Variants in MPG observed in about 807,000 individuals in gnomAD.
MPG encodes the protein N-methylpurine DNA glycosylase.
A neutral mutation model predicts 31.7 loss-of-function variants in MPG; 33 were observed. That is an observed-to-expected ratio of 1.04 (90% CI 0.79 to 1.39). The LOEUF (loss-of-function observed/expected upper bound fraction) is 1.39, where lower values mean the gene tolerates loss of function less well. Among genes scored for constraint, MPG ranks in the 40% most tolerant of loss-of-function variants. The probability of loss-of-function intolerance (pLI) is 0.00; values close to 1 mark genes in which losing one functional copy is unlikely to be tolerated. For synonymous variants in MPG, 202 were observed against 169.2 expected, an observed-to-expected ratio of 1.19 and a Z score of -1.51; for missense variants, 455 against 415.5, an observed-to-expected ratio of 1.10 and a Z score of -0.83.
rs768695013 is a variant in MPG, at chr16:83,099, C to T, written c.348C>T (p.Ile116=). Residue 116 remains isoleucine, a synonymous_variant, in exon 3 of 4, where the codon ATC becomes ATT. Transcript: ENST00000356432. ...LPNGTELRGR[I]VETEAYLGPE... is the part of the protein sequence containing the mutation. ...ATGGCACAGAACTCCGAGGCCGCAT[C>T]GTGGAGACCGAGGCATACCTGGGGC... The T allele has an allele frequency of 6.2e-6, 10 of 1,612,062 alleles. No homozygotes were observed. Among genetic ancestry groups the T allele is most frequent in the Middle Eastern group, 1.6e-4 (1 of 6,072 alleles).
rs1898402339 is a variant in MPG at position 85,384 on chromosome 16, A to G, written c.506-17A>G. On this transcript the variant is annotated splice_polypyrimidine_tract_variant and intron_variant, in intron 3 of 3. Coordinates refer to ENST00000356432, the MANE Select transcript of MPG (RefSeq NM_001015052.3). Reference sequence around the variant, plus strand: ...GGAGCCTAGGGAGGCTCCACTTCCAAACTGTCCGTCCCACAGGGGACGGGG... The same window carrying G: ...GGAGCCTAGGGAGGCTCCACTTCCAGACTGTCCGTCCCACAGGGGACGGGG... The G allele has an allele frequency of 2.5e-6, 4 of 1,585,408 alleles. No homozygotes were observed. Among genetic ancestry groups the G allele is most frequent in the Non-Finnish European group, 3.4e-6 (4 of 1,165,308 alleles).
At position 81,660 on chromosome 16, in the gene MPG, G is replaced by A. The variant is rs369272045; in HGVS notation, c.301-1392G>A. On this transcript the variant is annotated intron_variant, in intron 2 of 3. Transcript: ENST00000356432. Reference sequence around the variant, plus strand: ...CCCTTCTTCCCACCACCCTATCTCCGGGAAGGCCTCCTGAATGCTCCCCAC... The same window carrying A: ...CCCTTCTTCCCACCACCCTATCTCCAGGAAGGCCTCCTGAATGCTCCCCAC... Among the ~76,000 whole-genome samples, 283 of 106,700 alleles carry A rather than the reference G, an allele frequency of 2.7e-3. 2 individuals carry two copies. Among genetic ancestry groups the A allele is most frequent in the Middle Eastern group, 5.4e-3 (1 of 184 alleles). The allele number at this position is 106,700 out of a possible 152,430, so 70.0% of individuals were successfully genotyped here.
chr16:80,736 G>A (rs1898216817), intron 2 of MPG, among the ~76,000 whole-genome samples: 2 of 152,248 alleles, frequency 1.3e-5, no homozygotes, highest in Non-Finnish European at 1.5e-5. Context: ...TTGAACCCGG[G>A]AGGCAGAGGT....
At chr16:82,019 G>A (rs1416497749) in intron 2 of MPG, among the ~76,000 whole-genome samples, 43 of 114,026 alleles carry the variant, frequency 3.8e-4, no homozygotes, top group Middle Eastern at 5.3e-3. Context: ...CCTCCTGAAT[G>A]CTCCCCACGC....
chr16:85,816 A>C lies in MPG; in HGVS notation c.*39A>C, dbSNP rs1333006296. ...CCAGACAAGATTTTTTAATTGTTTA[A>C]AAACCGAATAAATGTTTTATTTCTA... is the stretch of plus-strand genomic sequence containing the variant. On this transcript the variant is annotated 3_prime_UTR_variant, in exon 4 of 4. Transcript: ENST00000356432. 2 of 1,450,496 alleles carry C rather than the reference A, an allele frequency of 1.4e-6. No homozygotes were observed. The highest frequency in any genetic ancestry group is 2.6e-5 in the Admixed American group (1 of 39,060). 89.9% of individuals were successfully genotyped at this position (1,450,496 alleles called of 1,614,324 possible). A position where few individuals can be genotyped will look rare whatever the true frequency, so the allele number is the denominator to read the frequency against.
chr16:79,712 A>G lies in MPG; in HGVS notation c.300+12A>G. 6.5e-7 allele frequency: 1 copy of G among 1,546,244 alleles called. No individual in the cohort carries two copies. The highest frequency in any genetic ancestry group is 8.8e-7 in the Non-Finnish European group (1 of 1,142,276). ...CATTTCTGGGACAGGTAATGTGAAC[A>G]TAGCAGCGAGGGCCCTCCTGAAGTG... On this transcript the variant is annotated intron_variant, in intron 2 of 3. Transcript: ENST00000356432.
intron 1 of MPG, among the ~76,000 whole-genome samples, chr16:78,567 G>A (rs995053567): frequency 6.6e-6 from 1 of 152,216 alleles, no homozygotes; most frequent in Admixed American, 6.5e-5. Context: ...CTGCGGAGAC[G>A]GTCACGTCAG....
At chr16:83,346 C>T in intron 3 of MPG, 90 bp downstream of exon 3, 2 of 1,336,222 alleles carry the variant, frequency 1.5e-6, no homozygotes, top group Non-Finnish European at 2.1e-6. Flanking sequence ...TGAGGTGGGG[C>T]CAGCATTTGA....
chr16:85,471 C>A lies in MPG; in HGVS notation c.576C>A (p.Arg192=). 6.2e-7 allele frequency: 1 copy of A among 1,613,122 alleles called. No individual in the cohort carries two copies. The highest frequency in any genetic ancestry group is 8.5e-7 in the Non-Finnish European group (1 of 1,180,020). ...LEGLETMRQL[R]STLRKGTASR... is the part of the protein sequence containing the mutation. The stretch of plus-strand genomic sequence containing the variant: ...GTCTGGAGACCATGCGTCAGCTTCG[C>A]AGCACCCTCCGGAAAGGCACCGCCA... Residue 192 remains arginine, a synonymous_variant, in exon 4 of 4, where the codon CGC becomes CGA. Transcript: ENST00000356432.
intron 1 of MPG, 69 bp downstream of exon 1, chr16:78,402 C>T: frequency 8.6e-7 from 1 of 1,157,916 alleles, no homozygotes; most frequent in Non-Finnish European, 1.1e-6. Context: ...CGAGCGCGGC[C>T]GCGGGAGCGG....
rs150397931 is a variant in MPG, at chr16:82,597, C to T, written c.301-455C>T. Among the ~76,000 whole-genome samples the T allele has an allele frequency of 9.8e-4, 150 of 152,330 alleles. 3 individuals carry two copies. In the East Asian group the frequency reaches 0.023, roughly 23 times the overall value. On this transcript the variant is annotated intron_variant, in intron 2 of 3. Transcript: ENST00000356432. ...AGCAGCCCAGGTTTAGGGGACTTCACGGGCTCTGGGATTGCCCAGGTAGCT... is the reference window on the plus strand; with the variant it reads ...AGCAGCCCAGGTTTAGGGGACTTCATGGGCTCTGGGATTGCCCAGGTAGCT...
In MPG at chr16:79,528, C is replaced by A; in HGVS notation, c.128C>A (p.Ser43Ter). ...GCACCTGCAGAGCAGCCACACAGCTCGTCCGATGCAGCCCAGGCACCTTGC... is the reference window on the plus strand; with the variant it reads ...GCACCTGCAGAGCAGCCACACAGCTAGTCCGATGCAGCCCAGGCACCTTGC... ...AQAPAEQPHSSSDAAQAPCPR... is the reference protein window; with the variant it reads ...AQAPAEQPHS Residue 43 changes from serine (S) to a stop codon, truncating the protein, a stop_gained, in exon 2 of 4, where the codon TCG (serine) becomes TAG (stop). Transcript: ENST00000356432. LOFTEE classifies it high-confidence loss of function. 6.2e-7 allele frequency: 1 copy of A among 1,612,920 alleles called. No homozygotes were observed. The highest frequency in any genetic ancestry group is 8.5e-7 in the Non-Finnish European group (1 of 1,179,944).
chr16:82,247 G>A (rs2858047), intron 2 of MPG, among the ~76,000 whole-genome samples: 13,371 of 24,642 alleles, frequency 0.54, 5,805 homozygotes, highest in Non-Finnish European at 0.83. Flanking sequence ...CCTCCTGAAT[G>A]CTCCCCCGGC....
chr16:83,269 G>A lies in MPG; in HGVS notation c.505+13G>A. 7 of 1,602,528 alleles carry A rather than the reference G, an allele frequency of 4.4e-6. No homozygotes were observed. Among genetic ancestry groups the A allele is most frequent in the Non-Finnish European group, 4.3e-6 (5 of 1,172,450 alleles). ...ATCTCCAGCCAGGGTGAGCAGTGCT[G>A]GGGCACGGGGGGTTGGAGGGCCGGC... On this transcript the variant is annotated intron_variant, in intron 3 of 3. Coordinates refer to ENST00000356432, the MANE Select transcript of MPG (RefSeq NM_001015052.3).
chr16:81,408 A>G (rs1488659801), intron 2 of MPG, among the ~76,000 whole-genome samples: 2 of 152,170 alleles, frequency 1.3e-5, no homozygotes, highest in African/African-American at 4.8e-5. Flanking sequence ...GAGGCACAGG[A>G]GTGTGCAGAG....
chr16:79,232 G>A (rs1413388792), intron 1 of MPG, 193 bp from the exon 2 acceptor site: 1 of 1,552,100 alleles, frequency 6.4e-7, no homozygotes, highest in Non-Finnish European at 8.7e-7. Flanking sequence ...ATCGTCAGAC[G>A]TGATCATTTC....
intron 3 of MPG, 106 bp downstream of exon 3, chr16:83,362 G>A (rs1299609304): frequency 2.6e-6 from 3 of 1,158,046 alleles, no homozygotes; most frequent in African/African-American, 1.5e-5. Flanking sequence ...TTTGAGCGAG[G>A]AGGTGCCACT....
intron 2 of MPG, among the ~76,000 whole-genome samples, chr16:82,190 G>C (rs192843611): frequency 1.9e-5 from 2 of 103,700 alleles, no homozygotes; most frequent in Non-Finnish European, 1.9e-5. Flanking sequence ...CCTCCTGAAT[G>C]CTCCCCGCGC....
chr16:82,537 G>A (rs529974887), intron 2 of MPG, among the ~76,000 whole-genome samples: 158 of 152,306 alleles, frequency 1.0e-3, no homozygotes, highest in Non-Finnish European at 2.1e-3. Flanking sequence ...GCCGGAGGGT[G>A]GGAGCTGAGT....
Sources: gnomAD v4.1 joint callset for allele counts (sites outside exome capture counted in the v4.1 genomes callset) on GRCh38, gnomAD v4.1.1 for gene constraint, MANE v1.5 for transcripts, NCBI Gene and HGNC (gene_info 2026-07-23, HGNC 2026-07-21) for gene names.